Variants in KIAA0825 observed in about 807,000 individuals in gnomAD.
KIAA0825 encodes the protein KIAA0825.
In KIAA0825, 119 loss-of-function variants were observed where a neutral mutation model predicts 147.6. That is an observed-to-expected ratio of 0.81 (90% CI 0.69 to 0.94). KIAA0825 has a LOEUF of 0.94. Among genes scored for constraint, KIAA0825 ranks in the 40% least tolerant of loss-of-function variants. KIAA0825 has a pLI of 0.00. For synonymous variants in KIAA0825, 470 were observed against 518.1 expected, an observed-to-expected ratio of 0.91 and a Z score of 1.26; for missense variants, 1,381 against 1,472.7, an observed-to-expected ratio of 0.94 and a Z score of 1.02.
chr5:94,329,146 T>C (rs1406029550), intron 20 of KIAA0825, among the ~76,000 whole-genome samples: 3 of 152,114 alleles, frequency 2.0e-5, no homozygotes, highest in South Asian at 2.1e-4. Context: ...CTGAAGGTCA[T>C]GTTGGGAGCA....
At chr5:94,543,442 C>T (rs1773729432) in intron 2 of KIAA0825, among the ~76,000 whole-genome samples, 1 of 151,594 alleles carries the variant, frequency 6.6e-6, no homozygotes, top group Admixed American at 6.6e-5. Flanking sequence ...GACTCTGTCT[C>T]AATAAATAAG....
At chr5:94,237,960 G>A (rs552537306) in intron 20 of KIAA0825, among the ~76,000 whole-genome samples, 23 of 152,196 alleles carry the variant, frequency 1.5e-4, no homozygotes, top group African/African-American at 4.3e-4. Flanking sequence ...AGCTCATTAC[G>A]TGTCTGAAAC....
At chr5:94,511,757 G>A (rs533671381) in intron 5 of KIAA0825, among the ~76,000 whole-genome samples, 11 of 152,302 alleles carry the variant, frequency 7.2e-5, no homozygotes, top group Non-Finnish European at 1.5e-4. Context: ...GGAGGCCAAG[G>A]CAAGTGGATC....
At chr5:94,574,543 CAAAAAAAAAAAAAAAA>C (rs1181241238) in intron 2 of KIAA0825, among the ~76,000 whole-genome samples, 2 of 65,532 alleles carry the variant, frequency 3.1e-5, no homozygotes, top group African/African-American at 1.3e-4. Flanking sequence ...GACTCCATCT[CAAAAAAAAAAAAAAAA>C]AAAAAAGAAA....
chr5:94,207,678 C>T (rs1227901359), intron 20 of KIAA0825, among the ~76,000 whole-genome samples: 5 of 152,112 alleles, frequency 3.3e-5, no homozygotes, highest in Non-Finnish European at 7.4e-5. Flanking sequence ...GTTTTTAAAA[C>T]AATTACAACA....
At chr5:94,353,149 C>T in intron 20 of KIAA0825, among the ~76,000 whole-genome samples, 1 of 151,880 alleles carries the variant, frequency 6.6e-6, no homozygotes, top group East Asian at 1.9e-4. Context: ...GACAATAAAG[C>T]CAGGAAACAA....
intron 20 of KIAA0825, among the ~76,000 whole-genome samples, chr5:94,290,503 A>T (rs774193859): frequency 6.6e-6 from 1 of 152,106 alleles, no homozygotes; most frequent in Non-Finnish European, 1.5e-5. Flanking sequence ...CATGGTGTAT[A>T]TGTCCATATT....
intron 20 of KIAA0825, among the ~76,000 whole-genome samples, chr5:94,180,505 G>A (rs1023179259): frequency 1.3e-5 from 2 of 152,016 alleles, no homozygotes; most frequent in African/African-American, 2.4e-5. Flanking sequence ...CTACAACCAA[G>A]GTTAATTTCT....
At chr5:94,372,622 G>C (rs171721) in intron 20 of KIAA0825, among the ~76,000 whole-genome samples, 25,175 of 152,162 alleles carry the variant, frequency 0.17, 2,276 homozygotes, top group African/African-American at 0.22. Flanking sequence ...CACAGAGGAG[G>C]GGGGCCCTGG....
chr5:94,520,664 G>C lies in KIAA0825; in HGVS notation c.554C>G (p.Ser185Ter), dbSNP rs749952108. Reference sequence around the variant, plus strand: ...CTTTTTCAATAAAATTTTTTGCTGTGAATTGTTTATTTCATTATGGCTTTG... The same window carrying C: ...CTTTTTCAATAAAATTTTTTGCTGTCAATTGTTTATTTCATTATGGCTTTG... ...KLQSHNEINN[S>*]QQKILLKKQC... Residue 185 changes from serine to a stop codon, truncating the protein, a stop_gained, in exon 5 of 21, where the codon TCA (serine) becomes TGA (stop). Coordinates refer to ENST00000682413, the MANE Select transcript of KIAA0825 (RefSeq NM_001145678.3). LOFTEE classifies it high-confidence loss of function. 6 of 1,613,314 alleles carry C rather than the reference G, an allele frequency of 3.7e-6. No homozygotes were observed. The highest frequency in any genetic ancestry group is 5.1e-6 in the Non-Finnish European group (6 of 1,179,458).
At chr5:94,241,510 G>A (rs1034375966) in intron 20 of KIAA0825, among the ~76,000 whole-genome samples, 2 of 152,182 alleles carry the variant, frequency 1.3e-5, no homozygotes, top group Non-Finnish European at 2.9e-5. Flanking sequence ...TTACTGCGGG[G>A]TGGTGAGTAA....
chr5:94,481,872 G>GA (rs1462159224), intron 6 of KIAA0825, among the ~76,000 whole-genome samples: 3 of 152,000 alleles, frequency 2.0e-5, no homozygotes, highest in Non-Finnish European at 2.9e-5. Flanking sequence ...TGGGGCTAAA[G>GA]AAAAATGAGG....
intron 20 of KIAA0825, among the ~76,000 whole-genome samples, chr5:94,344,179 C>G (rs1782734295): frequency 6.6e-6 from 1 of 152,158 alleles, no homozygotes; most frequent in Admixed American, 6.5e-5. Context: ...TTCATAATAA[C>G]TAAGAACTAG....
chr5:94,231,723 T>C (rs915637809), intron 20 of KIAA0825, among the ~76,000 whole-genome samples: 1 of 152,158 alleles, frequency 6.6e-6, no homozygotes, highest in African/African-American at 2.4e-5. Context: ...AGCTAAGTAA[T>C]GTTTATCATG....
chr5:94,318,298 A>T (rs1779845680), intron 20 of KIAA0825, among the ~76,000 whole-genome samples: 1 of 151,888 alleles, frequency 6.6e-6, no homozygotes, highest in South Asian at 2.1e-4. Context: ...TATATGATAG[A>T]TATAAAATTA....
At chr5:94,552,195 A>C (rs1235140007) in intron 2 of KIAA0825, among the ~76,000 whole-genome samples, 1 of 152,204 alleles carries the variant, frequency 6.6e-6, no homozygotes, top group African/African-American at 2.4e-5. Context: ...ACAATAATAA[A>C]GGGATCGGTT....
At chr5:94,234,519 A>T (rs1013026063) in intron 20 of KIAA0825, among the ~76,000 whole-genome samples, 2 of 152,206 alleles carry the variant, frequency 1.3e-5, no homozygotes, top group Non-Finnish European at 2.9e-5. Context: ...TTATAAAGAA[A>T]AGTGGTTTAA....
chr5:94,465,122 T>C, intron 10 of KIAA0825, 63 bp from the exon 11 acceptor site: 2 of 1,457,096 alleles, frequency 1.4e-6, no homozygotes, highest in Admixed American at 2.1e-5. Flanking sequence ...ATTTGCTTCC[T>C]ATGAACGTAA....
intron 1 of KIAA0825, among the ~76,000 whole-genome samples, chr5:94,607,835 A>T (rs1203120432): frequency 6.6e-6 from 1 of 152,118 alleles, no homozygotes; most frequent in African/African-American, 2.4e-5. Flanking sequence ...TTTCTTTTGC[A>T]TGTTCCAGCT....
Sources: gnomAD v4.1 joint callset for allele counts (sites outside exome capture counted in the v4.1 genomes callset) on GRCh38, gnomAD v4.1.1 for gene constraint, MANE v1.5 for transcripts, NCBI Gene and HGNC (gene_info 2026-07-23, HGNC 2026-07-21) for gene names.